The following THADA variants were observed in gnomAD, a reference collection of about 807,000 sequenced individuals.
THADA encodes the protein tRNA (32-2'-O)-methyltransferase regulator THADA.
THADA carries 213 observed loss-of-function variants against 219.8 expected under a neutral mutation model. The observed-to-expected ratio is 0.97, with a 90% CI of 0.87 to 1.09. THADA has a LOEUF of 1.09. Among genes scored for constraint, THADA ranks in the 50% least tolerant of loss-of-function variants. THADA has a pLI of 0.00. For missense variants in THADA, 2,956 were observed against 2,311.3 expected, an observed-to-expected ratio of 1.28 and a Z score of -5.72; for synonymous variants, 1,018 against 828.9, an observed-to-expected ratio of 1.23 and a Z score of -3.92.
chr2:43,580,020 A>G (rs1320380183), intron 8 of THADA, among the ~76,000 whole-genome samples: 1 of 127,166 alleles, frequency 7.9e-6, no homozygotes. Context: ...AAAAAAAGCT[A>G]CTTCTTTTTT....
intron 26 of THADA, among the ~76,000 whole-genome samples, chr2:43,446,800 G>A (rs145849593): frequency 7.9e-5 from 12 of 152,300 alleles, no homozygotes; most frequent in African/African-American, 2.4e-4. Flanking sequence ...AGGAGCACAC[G>A]ATTTACCTTT....
At chr2:43,328,937 A>G (rs1679647527) in intron 30 of THADA, among the ~76,000 whole-genome samples, 1 of 151,964 alleles carries the variant, frequency 6.6e-6, no homozygotes, top group South Asian at 2.1e-4. Context: ...GAATCCTCAT[A>G]TTTTTCCATC....
chr2:43,579,418 G>T (rs759211437), intron 8 of THADA, among the ~76,000 whole-genome samples: 3 of 152,144 alleles, frequency 2.0e-5, no homozygotes, highest in African/African-American at 4.8e-5. Context: ...TTTTGACTTG[G>T]TATCTTCTTT....
chr2:43,418,792 G>A (rs948900541), intron 28 of THADA, among the ~76,000 whole-genome samples: 1 of 152,138 alleles, frequency 6.6e-6, no homozygotes, highest in African/African-American at 2.4e-5. Flanking sequence ...AGGAGAGATA[G>A]AAATAACGGC....
chr2:43,448,940 C>A (rs1380764846), intron 26 of THADA, among the ~76,000 whole-genome samples: 1 of 151,942 alleles, frequency 6.6e-6, no homozygotes, highest in Non-Finnish European at 1.5e-5. Flanking sequence ...TACAAAGAAA[C>A]AGGGAAAGAT....
intron 25 of THADA, among the ~76,000 whole-genome samples, chr2:43,498,389 G>C (rs1369324623): frequency 3.3e-5 from 5 of 152,056 alleles, no homozygotes; most frequent in African/African-American, 1.2e-4. Flanking sequence ...AAATTGAAAA[G>C]AAATATAACT....
chr2:43,590,961 T>A lies in THADA; in HGVS notation c.172-7A>T. 1 of 1,605,840 alleles carries A rather than the reference T, an allele frequency of 6.2e-7. No homozygotes were observed. The highest frequency in any genetic ancestry group is 1.1e-5 in the South Asian group (1 of 89,264). ...TCTCCAGCAGAGGCACAATCTATAA[T>A]ACAAAACATTGAAGTAATTTTTATA... On this transcript the variant is annotated splice_polypyrimidine_tract_variant and splice_region_variant and intron_variant, in intron 3 of 37. Coordinates refer to ENST00000405975, the MANE Select transcript of THADA (RefSeq NM_022065.5).
chr2:43,460,531 CA>C (rs1252354775), intron 26 of THADA, among the ~76,000 whole-genome samples: 1 of 152,124 alleles, frequency 6.6e-6, no homozygotes, highest in Non-Finnish European at 1.5e-5. Context: ...TTAGAGACTG[CA>C]AAGACATCAA....
In THADA at chr2:43,254,231, T is replaced by A. The variant is rs545070626; in HGVS notation, c.5297-21349A>T. On this transcript the variant is annotated intron_variant, in intron 36 of 37. Coordinates refer to ENST00000405975, the MANE Select transcript of THADA (RefSeq NM_022065.5). ...GGACTTGGACTTGAATAAATGAAGA[T>A]GTAAAGGCTAGAGCTGCTGTAGCCA... 1.6e-4 allele frequency among the ~76,000 whole-genome samples: 25 copies of A among 152,154 alleles called. No individual in the cohort carries two copies. The South Asian group carries it at 3.9e-3, about 24-fold the overall frequency.
intron 4 of THADA, among the ~76,000 whole-genome samples, chr2:43,589,399 T>C (rs1038717781): frequency 6.6e-6 from 1 of 152,150 alleles, no homozygotes; most frequent in Non-Finnish European, 1.5e-5. Flanking sequence ...ATTACACTAA[T>C]ATGAGGTATC....
intron 25 of THADA, among the ~76,000 whole-genome samples, chr2:43,488,769 T>C (rs1302943352): frequency 1.3e-5 from 2 of 152,184 alleles, no homozygotes; most frequent in Non-Finnish European, 2.9e-5. Flanking sequence ...GGTAGCACCA[T>C]TTCATAGTCT....
intron 21 of THADA, among the ~76,000 whole-genome samples, chr2:43,529,041 A>G (rs1490425176): frequency 6.6e-6 from 1 of 152,130 alleles, no homozygotes; most frequent in African/African-American, 2.4e-5. Context: ...CTGAAAAACT[A>G]CTAGGCTTCA....
At chr2:43,545,160 A>G (rs78870521) in intron 20 of THADA, among the ~76,000 whole-genome samples, 52,426 of 151,332 alleles carry the variant, frequency 0.35, 9,455 homozygotes, top group African/African-American at 0.43. Context: ...CGTTCTGTTT[A>G]TATCCTGGAT....
intron 28 of THADA, among the ~76,000 whole-genome samples, chr2:43,425,449 T>TGTGTGA (rs1678302341): frequency 4.4e-5 from 3 of 67,592 alleles, no homozygotes; most frequent in African/African-American, 1.6e-4. Context: ...AAATTGTATG[T>TGTGTGA]GTGTGTGTGT....
chr2:43,371,374 T>C (rs1670783379), intron 29 of THADA, among the ~76,000 whole-genome samples: 1 of 152,214 alleles, frequency 6.6e-6, no homozygotes, highest in African/African-American at 2.4e-5. Context: ...AATGACATAT[T>C]ATAACATTCT....
At chr2:43,270,848 G>C (rs542311701) in intron 36 of THADA, among the ~76,000 whole-genome samples, 5 of 152,126 alleles carry the variant, frequency 3.3e-5, no homozygotes, top group Admixed American at 6.5e-5. Flanking sequence ...GATGCCATGA[G>C]ACCCCACCTT....
intron 22 of THADA, among the ~76,000 whole-genome samples, chr2:43,511,413 G>A (rs759096933): frequency 2.6e-5 from 4 of 152,206 alleles, no homozygotes; most frequent in Non-Finnish European, 4.4e-5. Context: ...GGTCTGGAAT[G>A]AGAGTAGAAC....
intron 30 of THADA, among the ~76,000 whole-genome samples, chr2:43,331,225 A>G (rs1459309749): frequency 6.6e-6 from 1 of 152,232 alleles, no homozygotes; most frequent in African/African-American, 2.4e-5. Flanking sequence ...CTGTGGTTCT[A>G]TGGTACTCTT....
At chr2:43,353,116 C>T (rs901809555) in intron 29 of THADA, among the ~76,000 whole-genome samples, 1 of 152,192 alleles carries the variant, frequency 6.6e-6, no homozygotes, top group African/African-American at 2.4e-5. Context: ...TGCACATAAT[C>T]TATCTATCTC....
Sources: allele counts gnomAD v4.1 joint callset (sites outside exome capture counted in the v4.1 genomes callset), GRCh38; gene constraint gnomAD v4.1.1; transcripts MANE v1.5; gene names NCBI Gene and HGNC (gene_info 2026-07-23, HGNC 2026-07-21).